PKHD1: variants seen among roughly 807,000 people sequenced by gnomAD.
PKHD1 encodes the protein fibrocystin.
In PKHD1, 291 loss-of-function variants were observed where a neutral mutation model predicts 412.0. The ratio of observed to expected loss-of-function variants is 0.71; its 90% CI spans 0.64 to 0.78. The LOEUF (loss-of-function observed/expected upper bound fraction) is 0.78, where lower values mean the gene tolerates loss of function less well. Among genes scored for constraint, PKHD1 ranks in the 30% least tolerant of loss-of-function variants. PKHD1 has a pLI of 0.00. For missense variants in PKHD1, 4,825 were observed against 4,950.7 expected, an observed-to-expected ratio of 0.97 and a Z score of 0.76; for synonymous variants, 1,777 against 1,821.5, an observed-to-expected ratio of 0.98 and a Z score of 0.62.
At chr6:51,718,285 T>C (rs1781502977) in intron 60 of PKHD1, among the ~76,000 whole-genome samples, 1 of 152,220 alleles carries the variant, frequency 6.6e-6, no homozygotes, top group Non-Finnish European at 1.5e-5. Context: ...TTTCTCTCTC[T>C]GACTGCTCTT....
At chr6:51,930,915 A>G (rs1397535081) in intron 37 of PKHD1, among the ~76,000 whole-genome samples, 1 of 152,210 alleles carries the variant, frequency 6.6e-6, no homozygotes, top group Non-Finnish European at 1.5e-5. Context: ...GAATGTTGTT[A>G]CCACATGATC....
intron 37 of PKHD1, among the ~76,000 whole-genome samples, chr6:51,923,633 AT>A (rs1785071885): frequency 6.6e-6 from 1 of 152,204 alleles, no homozygotes; most frequent in Non-Finnish European, 1.5e-5. Context: ...AAGAGAAAAT[AT>A]TTGTAGATTT....
rs551899737 is a variant in PKHD1, at chr6:51,833,180, A to G, written c.8174-2191T>C. On this transcript the variant is annotated intron_variant, in intron 51 of 66. Coordinates refer to ENST00000371117, the MANE Select transcript of PKHD1 (RefSeq NM_138694.4). ...AAACAAGCAATGATTGTTCTCTAAA[A>G]CCTCACGCCAAGCTTCAGGAATCTT... Among the ~76,000 whole-genome samples the G allele has an allele frequency of 3.9e-5, 6 of 152,114 alleles. No homozygotes were observed. In the South Asian group the frequency reaches 1.2e-3, roughly 32 times the overall value.
At chr6:51,783,399 T>C (rs9382021) in intron 53 of PKHD1, among the ~76,000 whole-genome samples, 2,141 of 146,344 alleles carry the variant, frequency 0.015, 46 homozygotes, top group African/African-American at 0.05. Context: ...TTAAATACTA[T>C]ATTTATTTTA....
At chr6:51,931,241 G>T (rs1475408424) in intron 37 of PKHD1, among the ~76,000 whole-genome samples, 1 of 152,056 alleles carries the variant, frequency 6.6e-6, no homozygotes, top group African/African-American at 2.4e-5. Flanking sequence ...TCTCCCAAAA[G>T]GCTCTTCTGT....
chr6:51,719,544 C>A (rs918639750), intron 60 of PKHD1, among the ~76,000 whole-genome samples: 2 of 152,100 alleles, frequency 1.3e-5, no homozygotes, highest in Non-Finnish European at 2.9e-5. Context: ...GCCAAACTTC[C>A]CCTGGCAGCA....
chr6:52,056,034 A>G (rs1013189358), intron 18 of PKHD1, among the ~76,000 whole-genome samples: 4 of 152,140 alleles, frequency 2.6e-5, no homozygotes, highest in African/African-American at 9.7e-5. Flanking sequence ...TCTTTGTTGT[A>G]GGGGCTGTCC....
At chr6:51,800,684 C>T (rs1405999562) in intron 52 of PKHD1, among the ~76,000 whole-genome samples, 1 of 152,176 alleles carries the variant, frequency 6.6e-6, no homozygotes, top group Non-Finnish European at 1.5e-5. Context: ...GGGCACAGAT[C>T]CTGGGAATAA....
chr6:51,925,325 C>T (rs1047462413), intron 37 of PKHD1, among the ~76,000 whole-genome samples: 9 of 152,116 alleles, frequency 5.9e-5, no homozygotes, highest in Non-Finnish European at 1.2e-4. Flanking sequence ...GTCTAAAATA[C>T]GATACAGAGT....
intron 60 of PKHD1, among the ~76,000 whole-genome samples, chr6:51,703,057 A>G (rs1000475219): frequency 4.6e-5 from 7 of 151,996 alleles, no homozygotes; most frequent in African/African-American, 1.7e-4. Flanking sequence ...ATGGCATGTA[A>G]TGTGTGCTGC....
At chr6:52,031,087 TG>T (rs1318831654) in intron 29 of PKHD1, among the ~76,000 whole-genome samples, 2 of 152,244 alleles carry the variant, frequency 1.3e-5, no homozygotes, top group East Asian at 3.8e-4. Flanking sequence ...GATTTATTGG[TG>T]CTTACTCTAT....
At chr6:51,656,108 A>G (rs1362476330) in intron 61 of PKHD1, among the ~76,000 whole-genome samples, 1 of 152,176 alleles carries the variant, frequency 6.6e-6, no homozygotes, top group Non-Finnish European at 1.5e-5. Context: ...CCCATCAATG[A>G]TAGACTGGAT....
chr6:51,953,757 C>G (rs1583543870), intron 36 of PKHD1, among the ~76,000 whole-genome samples: 1 of 151,936 alleles, frequency 6.6e-6, no homozygotes, highest in South Asian at 2.1e-4. Context: ...ACATAGAAAC[C>G]CCAGATGTAA....
intron 64 of PKHD1, among the ~76,000 whole-genome samples, chr6:51,637,792 G>C (rs886086544): frequency 1.3e-5 from 2 of 151,852 alleles, no homozygotes; most frequent in Admixed American, 6.6e-5. Flanking sequence ...TAATCCCAGT[G>C]ACTCAGGAGG....
intron 34 of PKHD1, among the ~76,000 whole-genome samples, chr6:52,016,818 G>T (rs908599711): frequency 1.3e-5 from 2 of 152,116 alleles, no homozygotes; most frequent in African/African-American, 4.8e-5. Flanking sequence ...TACTAGCATG[G>T]TCACACTTCT....
chr6:52,030,325 T>C (rs1198950234), intron 29 of PKHD1, among the ~76,000 whole-genome samples: 1 of 152,200 alleles, frequency 6.6e-6, no homozygotes. Flanking sequence ...ACATGGTTAA[T>C]AAAGCCCATC....
At chr6:51,850,941 G>T (rs1772113838) in intron 49 of PKHD1, among the ~76,000 whole-genome samples, 1 of 152,246 alleles carries the variant, frequency 6.6e-6, no homozygotes, top group Non-Finnish European at 1.5e-5. Context: ...TGTTGAATAA[G>T]ACTGGTGAGA....
chr6:51,925,438 C>T (rs891238519), intron 37 of PKHD1, among the ~76,000 whole-genome samples: 7 of 147,376 alleles, frequency 4.7e-5, no homozygotes, highest in Non-Finnish European at 6.0e-5. Flanking sequence ...AATTGTTCTT[C>T]GTGTGTGTGT....
In PKHD1 at chr6:51,941,236, CTTTTTTTTTTTTT is replaced by C. The variant is rs539546758; in HGVS notation, c.5909-6927_5909-6915del. 2.2e-4 allele frequency among the ~76,000 whole-genome samples: 14 copies of C among 63,020 alleles called. 1 individual carries two copies. Among genetic ancestry groups the C allele is most frequent in the Admixed American group, 2.6e-4 (1 of 3,862 alleles). The allele number at this position is 63,020 out of a possible 152,430, so 41.3% of individuals were successfully genotyped here. ...TATCACTCACCTGTTACAGCATGGC[CTTTTTTTTTTTTT>C]TTTTTTTTTTTTTTTTTGAGACGGA... On this transcript the variant is annotated intron_variant, in intron 36 of 66. Coordinates refer to ENST00000371117, the MANE Select transcript of PKHD1 (RefSeq NM_138694.4).
Sources: allele counts gnomAD v4.1 joint callset (sites outside exome capture counted in the v4.1 genomes callset), GRCh38; gene constraint gnomAD v4.1.1; transcripts MANE v1.5; gene names NCBI Gene and HGNC (gene_info 2026-07-23, HGNC 2026-07-21).